ST8SIA6: variants seen among roughly 807,000 people sequenced by gnomAD.
ST8SIA6 encodes ST8 alpha-N-acetyl-neuraminide alpha-2,8-sialyltransferase 6.
ST8SIA6 carries 39 observed loss-of-function variants against 33.6 expected under a neutral mutation model. That is an observed-to-expected ratio of 1.16 (90% CI 0.90 to 1.52). The LOEUF (loss-of-function observed/expected upper bound fraction) is 1.52. Ranked by LOEUF, ST8SIA6 falls within the 40% of genes most tolerant of loss-of-function variation. ST8SIA6 has a pLI of 0.00. For missense variants in ST8SIA6, 441 were observed against 443.8 expected, an observed-to-expected ratio of 0.99 and a Z score of 0.06; for synonymous variants, 172 against 167.2, an observed-to-expected ratio of 1.03 and a Z score of -0.22.
chr10:17,367,340 T>C (rs1340131433), intron 3 of ST8SIA6, among the ~76,000 whole-genome samples: 1 of 152,136 alleles, frequency 6.6e-6, no homozygotes, highest in Non-Finnish European at 1.5e-5. Flanking sequence ...CTGCCCTTTA[T>C]AAAACCATCA....
At chr10:17,404,563 A>C (rs1471003517) in intron 2 of ST8SIA6, among the ~76,000 whole-genome samples, 3 of 152,128 alleles carry the variant, frequency 2.0e-5, no homozygotes, top group Non-Finnish European at 4.4e-5. Context: ...CCCTATGCTT[A>C]ATATCTGACC....
At chr10:17,397,166 C>G (rs1441711883) in intron 2 of ST8SIA6, among the ~76,000 whole-genome samples, 1 of 150,808 alleles carries the variant, frequency 6.6e-6, no homozygotes, top group Non-Finnish European at 1.5e-5. Context: ...CTCTGCCAAC[C>G]TTTTTCTCCT....
chr10:17,392,594 A>G (rs1275857075), intron 2 of ST8SIA6, among the ~76,000 whole-genome samples: 2 of 152,178 alleles, frequency 1.3e-5, no homozygotes, highest in Admixed American at 1.3e-4. Context: ...TAAAAAGATA[A>G]TAGGATTCAA....
At chr10:17,397,238 T>TTTTG (rs1850843269) in intron 2 of ST8SIA6, among the ~76,000 whole-genome samples, 1 of 145,696 alleles carries the variant, frequency 6.9e-6, no homozygotes, top group African/African-American at 2.6e-5. Flanking sequence ...TTTTTGTTTT[T>TTTTG]TTTTTTTTTT....
rs908284911 is a variant in ST8SIA6 at position 17,454,556 on chromosome 10, G to C, written c.-301C>G. On this transcript the variant is annotated 5_prime_UTR_variant, in exon 1 of 8. Transcript: ENST00000377602. The surrounding 1 kb of genome is among the most constrained non-coding windows in gnomAD (Gnocchi z 4.1). ...GCCGCCTGTCCTCCCGGAGGCGCTC[G>C]GAGCTGCTGCGGGCTCCGGTCGCCG... 2.0e-5 allele frequency among the ~76,000 whole-genome samples: 3 copies of C among 151,932 alleles called. No homozygotes were observed. Among genetic ancestry groups the C allele is most frequent in the African/African-American group, 4.8e-5 (2 of 41,410 alleles).
At position 17,331,468 on chromosome 10, in the gene ST8SIA6, G is replaced by C; in HGVS notation, c.462C>G (p.Tyr154Ter). Residue 154 changes from tyrosine (Y) to a stop codon, truncating the protein, a stop_gained, in exon 5 of 8, where the codon TAC (tyrosine) becomes TAG (stop). Coordinates refer to ENST00000377602, the MANE Select transcript of ST8SIA6 (RefSeq NM_001004470.3). LOFTEE classifies it high-confidence loss of function. ...GGATTTCTTTTTTGCTTTCCACCTC[G>C]TAACTCATATTAGTCCCAACTGGAG... is the stretch of plus-strand genomic sequence containing the variant. ...NNTPVGTNMSYEVESKKEIPI... is the reference protein window; with the variant it reads ...NNTPVGTNMS 6.2e-7 allele frequency: 1 copy of C among 1,613,274 alleles called. No homozygotes were observed.
chr10:17,359,576 C>G lies in ST8SIA6; in HGVS notation c.315G>C (p.Gln105His). The change falls in exon 4 of 8, where the codon CAG becomes CAC. Residue 105 changes from glutamine to histidine, a missense_variant. Coordinates refer to ENST00000377602, the MANE Select transcript of ST8SIA6 (RefSeq NM_001004470.3). ...TKGYSENDYL[Q>H]IITDIQSCPW... ...GACAACTCTGTATATCTGTGATAATCTGAAGGTAGTCGTTCTCTGAATACC... is the reference window on the plus strand; with the variant it reads ...GACAACTCTGTATATCTGTGATAATGTGAAGGTAGTCGTTCTCTGAATACC... The G allele has an allele frequency of 6.2e-7, 1 of 1,604,998 alleles. No individual in the cohort carries two copies. Among genetic ancestry groups the G allele is most frequent in the South Asian group, 1.1e-5 (1 of 88,316 alleles).
At chr10:17,391,421 C>G (rs931867934) in intron 2 of ST8SIA6, among the ~76,000 whole-genome samples, 2 of 151,922 alleles carry the variant, frequency 1.3e-5, no homozygotes, top group African/African-American at 4.8e-5. Flanking sequence ...CCACCATGCC[C>G]GGCTAATTTT....
chr10:17,346,019 G>T (rs760192168), intron 4 of ST8SIA6, among the ~76,000 whole-genome samples: 13 of 152,188 alleles, frequency 8.5e-5, no homozygotes, highest in Non-Finnish European at 1.8e-4. Flanking sequence ...TCCAATGCGA[G>T]GTCATAGAAA....
rs751044633 is a variant in ST8SIA6 at position 17,331,421 on chromosome 10, T to C, written c.509A>G (p.His170Arg). The C allele has an allele frequency of 5.6e-6, 9 of 1,613,024 alleles. No homozygotes were observed. In the South Asian group the frequency reaches 7.7e-5, roughly 14 times the overall value. Residue 170 changes from histidine to arginine, a missense_variant, in exon 5 of 8, where the codon CAT becomes CGT. Physicochemically the swap from His to Arg is conservative, Grantham distance 29. Coordinates refer to ENST00000377602, the MANE Select transcript of ST8SIA6 (RefSeq NM_001004470.3). ...ACCTTTACTCACCACTGGAAACATATGAAAAATGTTCTTCTTAATTGGGAT... is the reference window on the plus strand; with the variant it reads ...ACCTTTACTCACCACTGGAAACATACGAAAAATGTTCTTCTTAATTGGGAT... ...KEIPIKKNIFHMFPVSQPFVD... is the reference protein window; with the variant it reads ...KEIPIKKNIFRMFPVSQPFVD...
intron 2 of ST8SIA6, among the ~76,000 whole-genome samples, chr10:17,441,895 G>T (rs1454517267): frequency 6.7e-6 from 1 of 148,500 alleles, no homozygotes; most frequent in African/African-American, 2.5e-5. Context: ...TTGAGATGGA[G>T]TCTTGCTCTG....
At chr10:17,420,239 C>T (rs991254229) in intron 2 of ST8SIA6, among the ~76,000 whole-genome samples, 2 of 152,048 alleles carry the variant, frequency 1.3e-5, no homozygotes, top group African/African-American at 2.4e-5. Context: ...GGGGAAACCC[C>T]GTCTCTACTA....
intron 4 of ST8SIA6, among the ~76,000 whole-genome samples, chr10:17,340,832 G>A (rs992077434): frequency 1.3e-5 from 2 of 152,174 alleles, no homozygotes; most frequent in African/African-American, 4.8e-5. Flanking sequence ...AGCTTTCTGG[G>A]CTCAAGGGGC....
intron 5 of ST8SIA6, among the ~76,000 whole-genome samples, chr10:17,330,579 A>G (rs1848267635): frequency 6.6e-6 from 1 of 152,224 alleles, no homozygotes; most frequent in African/African-American, 2.4e-5. Flanking sequence ...ATGAGCAACA[A>G]AAATTAGCTG....
At chr10:17,321,688 A>G (rs1308913212) in intron 7 of ST8SIA6, among the ~76,000 whole-genome samples, 1 of 152,222 alleles carries the variant, frequency 6.6e-6, no homozygotes, top group Non-Finnish European at 1.5e-5. Flanking sequence ...CAAATGTATA[A>G]TGATAAAATA....
intron 2 of ST8SIA6, among the ~76,000 whole-genome samples, chr10:17,422,012 G>A (rs1444148471): frequency 1.3e-5 from 2 of 151,732 alleles, no homozygotes; most frequent in South Asian, 2.1e-4. Context: ...CTATACTATA[G>A]ATTTTATTTA....
rs578069688 is a variant in ST8SIA6 at position 17,338,121 on chromosome 10, A to C, written c.378-6569T>G. On this transcript the variant is annotated intron_variant, in intron 4 of 7. Transcript: ENST00000377602. ...GCGATCTCAGCTCACCACAACCTCC[A>C]CCTCCCGGGTTCAATTGATTCTCCT... 3.7e-5 allele frequency among the ~76,000 whole-genome samples: 5 copies of C among 136,184 alleles called. No individual in the cohort carries two copies. In the Admixed American group the frequency reaches 4.2e-4, roughly 11 times the overall value. The allele number at this position is 136,184 out of a possible 152,430, so 89.3% of individuals were successfully genotyped here. A position where few individuals can be genotyped will look rare whatever the true frequency, so the allele number is the denominator to read the frequency against.
At chr10:17,327,823 C>T (rs2131581070) in intron 5 of ST8SIA6, among the ~76,000 whole-genome samples, 1 of 152,106 alleles carries the variant, frequency 6.6e-6, no homozygotes, top group African/African-American at 2.4e-5. Context: ...AGGGGAATCA[C>T]TTGAACCTAG....
chr10:17,334,248 A>G (rs1371232357), intron 4 of ST8SIA6, among the ~76,000 whole-genome samples: 2 of 151,620 alleles, frequency 1.3e-5, no homozygotes, highest in Admixed American at 6.6e-5. Context: ...TATAATAATT[A>G]TAAAATACAG....
Sources: gnomAD v4.1 joint callset for allele counts (sites outside exome capture counted in the v4.1 genomes callset) on GRCh38, gnomAD v4.1.1 for gene constraint, Gnocchi (gnomAD v3.1) non-coding constraint, MANE v1.5 for transcripts, NCBI Gene and HGNC (gene_info 2026-07-23, HGNC 2026-07-21) for gene names.